The following FER1L6 variants were observed in gnomAD, a reference collection of about 807,000 sequenced individuals.
FER1L6 encodes fer-1-like protein 6.
A neutral mutation model predicts 219.2 loss-of-function variants in FER1L6; 177 were observed. The observed-to-expected ratio is 0.81, with a 90% CI of 0.71 to 0.91. The LOEUF is 0.91. FER1L6 is among the 40% of genes least tolerant of loss of function. The probability of loss-of-function intolerance (pLI) is 0.00; values close to 1 mark genes in which losing one functional copy is unlikely to be tolerated. For missense variants in FER1L6, 2,153 were observed against 2,259.9 expected, an observed-to-expected ratio of 0.95 and a Z score of 0.96; for synonymous variants, 768 against 824.3, an observed-to-expected ratio of 0.93 and a Z score of 1.17.
At chr8:123,919,682 T>C (rs1327869787) in intron 1 of FER1L6, among the ~76,000 whole-genome samples, 1 of 152,214 alleles carries the variant, frequency 6.6e-6, no homozygotes, top group Non-Finnish European at 1.5e-5. Flanking sequence ...CTTTTCTGTT[T>C]TCCACAGTCT....
Position 124,064,535 on chromosome 8 carries a change from C to T in FER1L6, c.3517C>T (p.Pro1173Ser), listed in dbSNP as rs1820741331. The change falls in exon 26 of 41, where the codon CCT becomes TCT. Residue 1173 changes from proline (P) to serine (S), a missense_variant. Pro to Ser is a moderately conservative substitution (Grantham distance 74). Coordinates refer to ENST00000522917, the MANE Select transcript of FER1L6 (RefSeq NM_001039112.2). ...CCCGATGCTGGAGCCTGAACACACACCTGTAGCCCAGGAGCCACCAAAAGA... is the reference window on the plus strand; with the variant it reads ...CCCGATGCTGGAGCCTGAACACACATCTGTAGCCCAGGAGCCACCAAAAGA... ...SSPMLEPEHT[P>S]VAQEPPKDGK... The T allele has an allele frequency of 6.2e-7, 1 of 1,611,792 alleles. No homozygotes were observed. The highest frequency in any genetic ancestry group is 8.5e-7 in the Non-Finnish European group (1 of 1,179,514).
intron 1 of FER1L6, among the ~76,000 whole-genome samples, chr8:123,877,187 G>T (rs1817019089): frequency 6.6e-6 from 1 of 152,198 alleles, no homozygotes. Flanking sequence ...AAAGCACTTG[G>T]CAAACGTCAC....
chr8:124,078,556 G>T (rs954056320), intron 32 of FER1L6, among the ~76,000 whole-genome samples: 30 of 152,310 alleles, frequency 2.0e-4, no homozygotes, highest in Non-Finnish European at 3.2e-4. Flanking sequence ...TCCACCATGT[G>T]TCAGGCACAC....
intron 39 of FER1L6, among the ~76,000 whole-genome samples, chr8:124,107,868 A>G (rs1233176414): frequency 6.6e-6 from 1 of 152,230 alleles, no homozygotes; most frequent in African/African-American, 2.4e-5. Flanking sequence ...CTAGCATAAA[A>G]GAGAAGCCTC....
intron 33 of FER1L6, 119 bp downstream of exon 33, chr8:124,082,577 C>G: frequency 1.1e-6 from 1 of 877,660 alleles, no homozygotes; most frequent in Non-Finnish European, 1.8e-6. Context: ...TCAGCTTTAA[C>G]GTCTCAAATG....
rs1267754977 is a variant in FER1L6, at chr8:124,069,347, T to G, written c.3719-13T>G. On this transcript the variant is annotated splice_polypyrimidine_tract_variant and intron_variant, in intron 28 of 40. Coordinates refer to ENST00000522917, the MANE Select transcript of FER1L6 (RefSeq NM_001039112.2). ...CCGCCATGAGAAACCTAATTTCTGC[T>G]GAATATCCACAGAGGCAAAGCCAGA... is the stretch of plus-strand genomic sequence containing the variant. The G allele has an allele frequency of 6.9e-6, 11 of 1,593,624 alleles. No individual in the cohort carries two copies. The highest frequency in any genetic ancestry group is 9.5e-6 in the Non-Finnish European group (11 of 1,163,520).
intron 18 of FER1L6, among the ~76,000 whole-genome samples, chr8:124,032,536 C>T (rs1053326901): frequency 3.9e-5 from 6 of 152,016 alleles, no homozygotes; most frequent in African/African-American, 7.2e-5. Context: ...TGAGATGACC[C>T]TAGGAAACAT....
In FER1L6 at chr8:124,097,357, AG is replaced by A; in HGVS notation, c.4784+1del. On this transcript the variant is annotated frameshift_variant and splice_region_variant, in exon 36 of 41. Transcript: ENST00000522917. LOFTEE classifies it high-confidence loss of function. ...TTGACATCTCTCCAAGGCGACCCAA[AG>A]GGTATGTCAGCTGTAGCCCCAGCTT... is the stretch of plus-strand genomic sequence containing the variant. The part of the protein sequence containing the change: ...PVDISPRRPK[G>X]YELRVTIWNT... 6.2e-7 allele frequency: 1 copy of A among 1,608,914 alleles called. No individual in the cohort carries two copies. Among genetic ancestry groups the A allele is most frequent in the African/African-American group, 1.3e-5 (1 of 74,824 alleles).
At chr8:123,866,520 C>A (rs1183099826) in intron 1 of FER1L6, among the ~76,000 whole-genome samples, 4 of 152,108 alleles carry the variant, frequency 2.6e-5, no homozygotes, top group African/African-American at 9.7e-5. Context: ...GATGAGATTG[C>A]TGAATCATAC....
chr8:124,012,888 G>A (rs532804095), intron 14 of FER1L6, among the ~76,000 whole-genome samples: 3 of 152,178 alleles, frequency 2.0e-5, no homozygotes, highest in Non-Finnish European at 4.4e-5. Flanking sequence ...TAGAATTTAG[G>A]CCCAAAGGAA....
intron 1 of FER1L6, among the ~76,000 whole-genome samples, chr8:123,911,126 G>C (rs1007459545): frequency 6.6e-6 from 1 of 152,050 alleles, no homozygotes; most frequent in Non-Finnish European, 1.5e-5. Context: ...TAACTATATT[G>C]TTTGTTATTA....
At position 124,110,890 on chromosome 8, in the gene FER1L6, CT is replaced by C. The variant is rs763034962; in HGVS notation, c.5289+7582del. Among the ~76,000 whole-genome samples, 215 of 152,206 alleles carry C rather than the reference CT, an allele frequency of 1.4e-3. 1 individual carries two copies. Among genetic ancestry groups the C allele is most frequent in the Non-Finnish European group, 2.5e-3 (169 of 68,002 alleles). ...TTTAAAGCTGTTATCAGTGCCCCCC[CT>C]CCCCTCCAGCAGTGTCGTTTAATCA... On this transcript the variant is annotated intron_variant, in intron 39 of 40. Transcript: ENST00000522917.
chr8:124,065,160 G>A (rs549374780), intron 26 of FER1L6, among the ~76,000 whole-genome samples: 50 of 152,112 alleles, frequency 3.3e-4, no homozygotes, highest in South Asian at 4.1e-4. Flanking sequence ...TTGGGAGGCC[G>A]AGGTGAGTAG....
At chr8:123,903,502 A>T (rs1407798777) in intron 1 of FER1L6, among the ~76,000 whole-genome samples, 1 of 152,230 alleles carries the variant, frequency 6.6e-6, no homozygotes, top group Non-Finnish European at 1.5e-5. Flanking sequence ...TCTGTTTAGA[A>T]ATAACTCCAA....
intron 12 of FER1L6, among the ~76,000 whole-genome samples, chr8:123,996,936 C>G (rs1191338745): frequency 6.6e-6 from 1 of 152,062 alleles, no homozygotes; most frequent in Non-Finnish European, 1.5e-5. Flanking sequence ...CATCCACTCA[C>G]TTTTAAGTAT....
intron 1 of FER1L6, among the ~76,000 whole-genome samples, chr8:123,885,876 C>G (rs992964933): frequency 6.6e-6 from 1 of 152,210 alleles, no homozygotes; most frequent in African/African-American, 2.4e-5. Context: ...CCAGTCCCAT[C>G]TTTCATCACC....
At chr8:124,019,323 A>G (rs1281095871) in intron 16 of FER1L6, among the ~76,000 whole-genome samples, 1 of 152,104 alleles carries the variant, frequency 6.6e-6, no homozygotes, top group Non-Finnish European at 1.5e-5. Flanking sequence ...CACATTTTAA[A>G]ATTCAGCTCA....
At chr8:123,855,095 C>T (rs934876009) in intron 1 of FER1L6, among the ~76,000 whole-genome samples, 1 of 152,092 alleles carries the variant, frequency 6.6e-6, no homozygotes, top group Non-Finnish European at 1.5e-5. Context: ...TTTGTCCATA[C>T]GGATTTACCT....
At chr8:124,097,653 C>T (rs1369245545) in intron 36 of FER1L6, 132 bp from the exon 37 acceptor site, 6 of 635,508 alleles carry the variant, frequency 9.4e-6, no homozygotes, top group African/African-American at 3.7e-5. Context: ...AACCAAGCCC[C>T]TAAGTGTTGA....
Sources: allele counts gnomAD v4.1 joint callset (sites outside exome capture counted in the v4.1 genomes callset), GRCh38; gene constraint gnomAD v4.1.1; transcripts MANE v1.5; gene names NCBI Gene and HGNC (gene_info 2026-07-23, HGNC 2026-07-21).